The following SLC4A4 variants were observed in gnomAD, a reference collection of about 807,000 sequenced individuals.
The protein encoded by SLC4A4 is solute carrier family 4 member 4, also known as electrogenic sodium bicarbonate cotransporter 1.
In SLC4A4, 27 loss-of-function variants were observed where a neutral mutation model predicts 111.5. That is an observed-to-expected ratio of 0.24 (90% confidence interval 0.18 to 0.33). The LOEUF (loss-of-function observed/expected upper bound fraction) is 0.33. Ranked by LOEUF, SLC4A4 falls within the 10% of genes least tolerant of loss-of-function variation. SLC4A4 has a pLI of 1.00. For missense variants in SLC4A4, 909 were observed against 1,315.5 expected, an observed-to-expected ratio of 0.69 and a Z score of 4.78; for synonymous variants, 443 against 463.4, an observed-to-expected ratio of 0.96 and a Z score of 0.57.
intron 2 of SLC4A4, among the ~76,000 whole-genome samples, chr4:71,147,478 A>T (rs1336753957): frequency 6.6e-6 from 1 of 152,094 alleles, no homozygotes; most frequent in Non-Finnish European, 1.5e-5. Flanking sequence ...CACACACCAC[A>T]GTGATGCTTT....
intron 4 of SLC4A4, among the ~76,000 whole-genome samples, chr4:71,348,313 TCACACACACACACACA>T (rs35326504): frequency 7.0e-6 from 1 of 143,728 alleles, no homozygotes; most frequent in African/African-American, 2.6e-5. Context: ...ACTAATTTAG[TCACACACACACACACA>T]CACACACACA....
chr4:71,524,687 G>C (rs966600985), intron 16 of SLC4A4, among the ~76,000 whole-genome samples: 3 of 151,756 alleles, frequency 2.0e-5, no homozygotes, highest in Non-Finnish European at 2.9e-5. Context: ...ATTGGCTACT[G>C]GGGGGTCATA....
At chr4:71,185,463 G>T (rs1745422220), upstream of SLC4A4, among the ~76,000 whole-genome samples, 1 of 152,128 alleles carries the variant, frequency 6.6e-6, no homozygotes, top group Non-Finnish European at 1.5e-5. Flanking sequence ...CTTTGGTTTT[G>T]AGTTTCCCAT....
chr4:71,387,255 A>T (rs1334973334), intron 6 of SLC4A4, among the ~76,000 whole-genome samples: 1 of 152,156 alleles, frequency 6.6e-6, no homozygotes. Context: ...TAAATAGCAT[A>T]AATGGTGTCA....
At position 71,116,744 on chromosome 4, in the gene SLC4A4, G is replaced by A. The variant is rs926742791; in HGVS notation, c.-2+23952G>A. Among the ~76,000 whole-genome samples, 9 of 152,234 alleles carry A rather than the reference G, an allele frequency of 5.9e-5. No individual in the cohort carries two copies. The East Asian group carries it at 1.2e-3, about 20-fold the overall frequency. On this transcript the variant is annotated intron_variant, in intron 2 of 26. Transcript: ENST00000649996. ...GGATCACCTGAGGTTGCGAGTTCGA[G>A]ACCAGCCTGACCAACATGGAGAAAT... is the stretch of plus-strand genomic sequence containing the variant.
At chr4:71,089,567 G>A (rs1397174759) in intron 1 of SLC4A4, among the ~76,000 whole-genome samples, 1 of 151,232 alleles carries the variant, frequency 6.6e-6, no homozygotes, top group African/African-American at 2.4e-5. Flanking sequence ...ACGTACAGAT[G>A]GTGTTTTGGC....
At chr4:71,308,713 G>T (rs182427364) in intron 3 of SLC4A4, among the ~76,000 whole-genome samples, 18 of 152,300 alleles carry the variant, frequency 1.2e-4, no homozygotes, top group Admixed American at 2.6e-4. Context: ...TTTGCAATCC[G>T]CAGACCAGGA....
intron 2 of SLC4A4, among the ~76,000 whole-genome samples, chr4:71,236,916 A>G (rs1319629830): frequency 1.3e-5 from 2 of 152,224 alleles, no homozygotes; most frequent in African/African-American, 4.8e-5. Context: ...GTGCCTCTTC[A>G]TCAAAAATAA....
chr4:71,165,188 CA>C (rs1293069285), intron 2 of SLC4A4, among the ~76,000 whole-genome samples: 2 of 152,196 alleles, frequency 1.3e-5, no homozygotes, highest in African/African-American at 4.8e-5. Context: ...TTTGACCCAG[CA>C]ATCCCATTAC....
At chr4:71,448,022 TAAAAA>T in intron 9 of SLC4A4, among the ~76,000 whole-genome samples, 1 of 152,140 alleles carries the variant, frequency 6.6e-6, no homozygotes, top group Non-Finnish European at 1.5e-5. Context: ...AAATATTCTT[TAAAAA>T]GTTCAAAGTC....
At chr4:71,082,094 T>C (rs1742007680) in intron 1 of SLC4A4, among the ~76,000 whole-genome samples, 1 of 152,108 alleles carries the variant, frequency 6.6e-6, no homozygotes. Flanking sequence ...CTCCACTTAA[T>C]TAGTTGTATA....
chr4:71,163,143 C>G (rs1333937662), intron 2 of SLC4A4, among the ~76,000 whole-genome samples: 1 of 152,070 alleles, frequency 6.6e-6, no homozygotes, highest in Non-Finnish European at 1.5e-5. Context: ...GTAGACAGAC[C>G]GTTAATACTT....
chr4:71,430,544 A>G (rs1467156213), intron 7 of SLC4A4, among the ~76,000 whole-genome samples: 1 of 152,148 alleles, frequency 6.6e-6, no homozygotes, highest in Non-Finnish European at 1.5e-5. Flanking sequence ...TGGGCTCTGC[A>G]GTAGACAGAA....
At chr4:71,496,964 C>T (rs1730468204) in intron 15 of SLC4A4, among the ~76,000 whole-genome samples, 1 of 152,090 alleles carries the variant, frequency 6.6e-6, no homozygotes, top group Non-Finnish European at 1.5e-5. Context: ...TATTTTTATA[C>T]TTTAATTGCT....
chr4:71,471,096 C>G (rs1240785886), intron 13 of SLC4A4, among the ~76,000 whole-genome samples: 1 of 151,912 alleles, frequency 6.6e-6, no homozygotes, highest in Non-Finnish European at 1.5e-5. Flanking sequence ...TTCTAATATT[C>G]TATAATTTTG....
At chr4:71,265,626 C>T (rs1722184982) in intron 3 of SLC4A4, among the ~76,000 whole-genome samples, 1 of 152,182 alleles carries the variant, frequency 6.6e-6, no homozygotes, top group Admixed American at 6.5e-5. Flanking sequence ...ATAGGACCAG[C>T]TCTCTACATC....
At chr4:71,259,039 G>A (rs895148271) in intron 3 of SLC4A4, among the ~76,000 whole-genome samples, 7 of 152,290 alleles carry the variant, frequency 4.6e-5, no homozygotes, top group African/African-American at 1.7e-4. Context: ...TGAGGTGGGA[G>A]GATCATCAGA....
chr4:71,434,630 G>A (rs572382616), intron 7 of SLC4A4: 5 of 152,216 alleles, frequency 3.3e-5, no homozygotes, highest in Non-Finnish European at 7.4e-5. Flanking sequence ...AAGTCAAATT[G>A]TCTCTGTTTG....
intron 2 of SLC4A4, among the ~76,000 whole-genome samples, chr4:71,171,164 T>G (rs896713): frequency 0.97 from 143,944 of 149,118 alleles, 69,416 homozygotes; most frequent in East Asian, 0.99. Flanking sequence ...GTTTTGTTTT[T>G]TTTTTTTTTT....
Sources: allele counts gnomAD v4.1 joint callset (sites outside exome capture counted in the v4.1 genomes callset), GRCh38; gene constraint gnomAD v4.1.1; transcripts MANE v1.5; gene names NCBI Gene and HGNC (gene_info 2026-07-23, HGNC 2026-07-21).